The following POLK variants were observed in gnomAD, a reference collection of about 807,000 sequenced individuals.
POLK encodes the protein DNA polymerase kappa.
POLK carries 76 observed loss-of-function variants against 94.0 expected under a neutral mutation model. The ratio of observed to expected loss-of-function variants is 0.81; its 90% CI spans 0.67 to 0.98. The LOEUF is 0.98. Ranked by LOEUF, POLK falls within the 50% of genes least tolerant of loss-of-function variation. The pLI is 0.00. For missense variants in POLK, 954 were observed against 1,010.1 expected, an observed-to-expected ratio of 0.94 and a Z score of 0.75; for synonymous variants, 349 against 325.4, an observed-to-expected ratio of 1.07 and a Z score of -0.78.
intron 1 of POLK, 129 bp downstream of exon 1, chr5:75,512,043 A>G: frequency 2.4e-6 from 1 of 411,348 alleles, no homozygotes; most frequent in Non-Finnish European, 4.4e-6. Flanking sequence ...TTTATGACGA[A>G]CCCTCCGGGC....
At chr5:75,586,010 G>T (rs1258895533) in intron 9 of POLK, among the ~76,000 whole-genome samples, 2 of 152,122 alleles carry the variant, frequency 1.3e-5, no homozygotes, top group Non-Finnish European at 2.9e-5. Context: ...GAAAGATGAA[G>T]ATATCACAGC....
At chr5:75,597,004 G>C in exon 13 of POLK, 1 of 1,613,918 alleles carries the variant, frequency 6.2e-7, no homozygotes, top group Non-Finnish European at 8.5e-7. Flanking sequence ...CTTATGTGAA[G>C]TGAAAACAGG....
chr5:75,570,530 A>C (rs112780868), intron 4 of POLK, among the ~76,000 whole-genome samples: 49 of 152,318 alleles, frequency 3.2e-4, no homozygotes, highest in African/African-American at 1.2e-3. Context: ...AGGTTTGCCA[A>C]CCCTAGTTCT....
chr5:75,590,221 A>T (rs189040581), intron 10 of POLK, 123 bp from the exon 11 acceptor site: 37 of 481,514 alleles, frequency 7.7e-5, no homozygotes, highest in South Asian at 5.2e-4. Flanking sequence ...GTTCATCTGA[A>T]AACTTTATTT....
At chr5:75,564,143 A>G (rs1771138283) in intron 3 of POLK, among the ~76,000 whole-genome samples, 1 of 152,182 alleles carries the variant, frequency 6.6e-6, no homozygotes, top group African/African-American at 2.4e-5. Flanking sequence ...CTTTACCATT[A>G]TGTAATGCCC....
At chr5:75,573,706 T>C in intron 4 of POLK, 32 bp from the exon 5 acceptor site, 1 of 1,589,120 alleles carries the variant, frequency 6.3e-7, no homozygotes. Flanking sequence ...TAGGTTTGTG[T>C]ATTTTTTTCC....
intron 1 of POLK, among the ~76,000 whole-genome samples, chr5:75,543,309 G>T (rs1466196552): frequency 6.6e-6 from 1 of 152,128 alleles, no homozygotes; most frequent in Non-Finnish European, 1.5e-5. Flanking sequence ...CAAAGTGCTG[G>T]GATTGTAGGC....
Position 75,545,051 on chromosome 5 carries a change from G to A in POLK, c.-13-1959G>A, listed in dbSNP as rs5744579. Among the ~76,000 whole-genome samples, 866 of 152,250 alleles carry A rather than the reference G, an allele frequency of 5.7e-3. 2 individuals are homozygous for A. The highest frequency in any genetic ancestry group is 9.0e-3 in the Non-Finnish European group (611 of 68,000). On this transcript the variant is annotated intron_variant, in intron 1 of 14. Transcript: ENST00000241436. ...TACTCCCAGACCTTCTGATTTATTTGGTATGGGAGGAGCTTTGGCGTCACA... is the reference window on the plus strand; with the variant it reads ...TACTCCCAGACCTTCTGATTTATTTAGTATGGGAGGAGCTTTGGCGTCACA...
chr5:75,541,111 C>A (rs1769715483), intron 1 of POLK, among the ~76,000 whole-genome samples: 1 of 152,000 alleles, frequency 6.6e-6, no homozygotes, highest in African/African-American at 2.4e-5. Flanking sequence ...TGGAGAAACC[C>A]CGTCTCTACA....
intron 4 of POLK, among the ~76,000 whole-genome samples, chr5:75,572,602 G>A (rs1771651821): frequency 6.6e-6 from 1 of 152,038 alleles, no homozygotes; most frequent in Non-Finnish European, 1.5e-5. Context: ...TCTATAATAA[G>A]TATGCCTTAA....
chr5:75,577,263 T>C (rs1771940607), intron 6 of POLK, among the ~76,000 whole-genome samples: 1 of 152,208 alleles, frequency 6.6e-6, no homozygotes, highest in Admixed American at 6.5e-5. Context: ...GGAAGTTGTC[T>C]GTTTAAAGCG....
intron 1 of POLK, among the ~76,000 whole-genome samples, chr5:75,515,863 C>T (rs187248500): frequency 3.3e-5 from 5 of 152,178 alleles, no homozygotes; most frequent in Admixed American, 1.3e-4. Context: ...TTAAAACTAG[C>T]GTGGGCAACG....
intron 3 of POLK, among the ~76,000 whole-genome samples, 185 bp from the exon 4 acceptor site, chr5:75,569,155 A>G (rs867615789): frequency 3.3e-5 from 5 of 152,204 alleles, no homozygotes; most frequent in African/African-American, 9.6e-5. Flanking sequence ...ATAAACACCC[A>G]TGAACAACAA....
At chr5:75,530,891 T>TGCCTCCC (rs1386617627) in intron 1 of POLK, among the ~76,000 whole-genome samples, 5 of 150,960 alleles carry the variant, frequency 3.3e-5, no homozygotes, top group Non-Finnish European at 5.9e-5. Context: ...TGCTGCAAGC[T>TGCCTCCC]GCCTCCCAGG....
chr5:75,593,929 C>T (rs772180560), exon 12 of POLK: 8 of 1,605,772 alleles, frequency 5.0e-6, no homozygotes, highest in Non-Finnish European at 6.0e-6. Flanking sequence ...AGTAAAAACT[C>T]GTGCATCTAC....
upstream of POLK, chr5:75,511,389 G>C (rs1474027381): frequency 1.9e-6 from 3 of 1,546,390 alleles, no homozygotes; most frequent in Admixed American, 5.9e-5. Flanking sequence ...CTGACACCGA[G>C]CGGAGCGAGG....
At chr5:75,556,713 CT>C (rs774487569) in intron 3 of POLK, among the ~76,000 whole-genome samples, 793 of 139,484 alleles carry the variant, frequency 5.7e-3, no homozygotes, top group East Asian at 0.031. Context: ...ATCTTTTTTT[CT>C]TTTTTTTTTT....
In POLK at chr5:75,559,822, A is replaced by G. The variant is rs118095400; in HGVS notation, c.255+7231A>G. 2.1e-3 allele frequency among the ~76,000 whole-genome samples: 313 copies of G among 152,170 alleles called. 1 individual carries two copies. The East Asian group carries it at 0.027, about 13-fold the overall frequency. On this transcript the variant is annotated intron_variant, in intron 3 of 14. Transcript: ENST00000241436. ...CCCAAAGGGGTTAAAGGCATGAGCC[A>G]CTAGGGCTGGCCAACAATTGATTTT... is the stretch of plus-strand genomic sequence containing the variant.
intron 14 of POLK, 37 bp from the exon 15 acceptor site, chr5:75,597,897 T>C: frequency 1.7e-6 from 2 of 1,198,458 alleles, no homozygotes; most frequent in Non-Finnish European, 2.3e-6. Context: ...CTAGAATCTC[T>C]TCCTGCATTT....
Sources: allele counts gnomAD v4.1 joint callset (sites outside exome capture counted in the v4.1 genomes callset), GRCh38; gene constraint gnomAD v4.1.1; transcripts MANE v1.5; gene names NCBI Gene and HGNC (gene_info 2026-07-23, HGNC 2026-07-21).